The following CLRN1 variants were observed in gnomAD, a reference collection of about 807,000 sequenced individuals.
CLRN1 encodes the protein clarin 1.
A neutral mutation model predicts 18.7 loss-of-function variants in CLRN1; 15 were observed. That is an observed-to-expected ratio of 0.80 (90% CI 0.54 to 1.23). The LOEUF is 1.23. Ranked by LOEUF, CLRN1 falls within the 50% of genes most tolerant of loss-of-function variation. CLRN1 has a pLI of 0.00. For synonymous variants in CLRN1, 104 were observed against 102.9 expected (o/e 1.01, Z -0.07); for missense variants, 311 against 277.5 (o/e 1.12, Z -0.86).
intron 2 of CLRN1, among the ~76,000 whole-genome samples, chr3:150,935,547 T>G (rs1056314520): frequency 6.6e-6 from 1 of 151,174 alleles, no homozygotes; most frequent in African/African-American, 2.4e-5. Flanking sequence ...TCTATCATTG[T>G]TGGACATTTA....
Position 150,927,966 on chromosome 3 carries a change from T to C in CLRN1, c.669A>G (p.Thr223=), listed in dbSNP as rs1712914653. The part of the protein sequence containing the change: ...FPFAKSKDAE[T]TNVAADLMY The stretch of plus-strand genomic sequence containing the variant: ...ACATTAGATCTGCAGCTACATTAGT[T>C]GTTTCTGCGTCTTTAGATTTTGCAA... The change falls in exon 3 of 3, where the codon ACA becomes ACG. Residue 223 remains threonine, a synonymous_variant. Transcript: ENST00000327047. The C allele has an allele frequency of 3.1e-6, 5 of 1,614,206 alleles. No homozygotes were observed. Among genetic ancestry groups the C allele is most frequent in the African/African-American group, 2.7e-5 (2 of 75,052 alleles).
At chr3:150,941,470 A>T in intron 2 of CLRN1, 112 bp downstream of exon 2, 1 of 1,074,390 alleles carries the variant, frequency 9.3e-7, no homozygotes, top group Non-Finnish European at 1.4e-6. Flanking sequence ...GTATAATACT[A>T]CAGTGTGCAT....
intron 1 of CLRN1, among the ~76,000 whole-genome samples, chr3:150,964,073 T>G (rs4680088): frequency 0.35 from 52,754 of 151,984 alleles, 10,937 homozygotes; most frequent in Non-Finnish European, 0.46. Flanking sequence ...GGGATCTAAT[T>G]AAACTAAAAA....
intron 1 of CLRN1, 22 bp from the exon 2 acceptor site, chr3:150,941,783 G>T: frequency 6.2e-7 from 1 of 1,610,410 alleles, no homozygotes; most frequent in Non-Finnish European, 8.5e-7. Context: ...ACAAAACTAG[G>T]GTTAGAAGAA....
chr3:150,957,334 T>C (rs1714793779), intron 1 of CLRN1, among the ~76,000 whole-genome samples: 1 of 152,042 alleles, frequency 6.6e-6, no homozygotes, highest in Non-Finnish European at 1.5e-5. Context: ...AGTCTTTCCC[T>C]TTTATACCTG....
intron 1 of CLRN1, among the ~76,000 whole-genome samples, chr3:150,943,588 C>T (rs2107954821): frequency 6.6e-6 from 1 of 152,340 alleles, no homozygotes; most frequent in Admixed American, 6.5e-5. Context: ...TTCAGTTCAT[C>T]TGTGTGACCC....
intron 2 of CLRN1, 52 bp downstream of exon 2, chr3:150,941,530 T>C: frequency 6.4e-7 from 1 of 1,562,736 alleles, no homozygotes. Context: ...AGACGGTCTT[T>C]TTGACATATT....
rs148752352 is a variant in CLRN1, at chr3:150,927,975, G to A, written c.660C>T (p.Asp220=). The A allele has an allele frequency of 2.3e-4, 368 of 1,614,120 alleles. No individual in the cohort carries two copies. The highest frequency in any genetic ancestry group is 2.0e-3 in the Middle Eastern group (12 of 6,054). The stretch of plus-strand genomic sequence containing the variant: ...CTGCAGCTACATTAGTTGTTTCTGC[G>A]TCTTTAGATTTTGCAAAAGGGAACT... ...GFQFPFAKSK[D]AETTNVAADL... is the part of the protein sequence containing the mutation. Residue 220 remains aspartate (D), a synonymous_variant, in exon 3 of 3, where the codon GAC becomes GAT. Coordinates refer to ENST00000327047, the MANE Select transcript of CLRN1 (RefSeq NM_174878.3).
chr3:150,935,259 G>A (rs1713398180), intron 2 of CLRN1, among the ~76,000 whole-genome samples: 1 of 150,138 alleles, frequency 6.7e-6, no homozygotes, highest in South Asian at 2.1e-4. Flanking sequence ...TCGTCATTTA[G>A]CATTAGGTAT....
At position 150,959,509 on chromosome 3, in the gene CLRN1, G is replaced by T. The variant is rs570556584; in HGVS notation, c.253+12947C>A. 1.6e-4 allele frequency among the ~76,000 whole-genome samples: 25 copies of T among 151,654 alleles called. 1 individual carries two copies. The South Asian group carries it at 2.7e-3, about 16-fold the overall frequency. On this transcript the variant is annotated intron_variant, in intron 1 of 2. Transcript: ENST00000327047. ...CCAGGTGCAGTGATGGGCCCCTATA[G>T]TCCCAGCTACTCAGGAGGCTGGGGC...
At chr3:150,943,311 T>C (rs568329174) in intron 1 of CLRN1, among the ~76,000 whole-genome samples, 5 of 152,306 alleles carry the variant, frequency 3.3e-5, no homozygotes, top group Admixed American at 2.6e-4. Flanking sequence ...ATAATGTCTT[T>C]TTACCAATAG....
intron 1 of CLRN1, among the ~76,000 whole-genome samples, chr3:150,953,746 G>T (rs530513178): frequency 5.3e-4 from 80 of 152,244 alleles, no homozygotes; most frequent in African/African-American, 1.9e-3. Flanking sequence ...TTGAACTCCT[G>T]TCCTCAAGTG....
intron 1 of CLRN1, among the ~76,000 whole-genome samples, chr3:150,966,294 A>G (rs920472592): frequency 6.6e-6 from 1 of 152,258 alleles, no homozygotes; most frequent in African/African-American, 2.4e-5. Flanking sequence ...AGGCTGGACG[A>G]CAGAGTGAGA....
chr3:150,937,522 A>G (rs1713563677), intron 2 of CLRN1, among the ~76,000 whole-genome samples: 1 of 152,340 alleles, frequency 6.6e-6, no homozygotes, highest in South Asian at 2.1e-4. Flanking sequence ...GTAGTTTTAG[A>G]AAGTTCTTCA....
At chr3:150,956,833 T>G (rs1714758009) in intron 1 of CLRN1, among the ~76,000 whole-genome samples, 1 of 152,148 alleles carries the variant, frequency 6.6e-6, no homozygotes, top group Non-Finnish European at 1.5e-5. Flanking sequence ...TGTCAGATAT[T>G]CCAAACTTCC....
At chr3:150,952,036 A>G (rs1446665222) in intron 1 of CLRN1, among the ~76,000 whole-genome samples, 4 of 152,110 alleles carry the variant, frequency 2.6e-5, no homozygotes, top group Non-Finnish European at 5.9e-5. Context: ...GGTAGTGTCA[A>G]TGTGGATGTT....
At chr3:150,972,840 C>T (rs577594303), upstream of CLRN1, 32 of 1,262,772 alleles carry the variant, frequency 2.5e-5, no homozygotes, top group African/African-American at 4.6e-4. Context: ...GGCAACTTCA[C>T]CATCGACGGT....
intron 1 of CLRN1, among the ~76,000 whole-genome samples, chr3:150,962,258 G>A (rs1273204472): frequency 6.6e-6 from 1 of 152,132 alleles, no homozygotes; most frequent in Admixed American, 6.5e-5. Flanking sequence ...TAGACTACCA[G>A]GTACAAAGTT....
At chr3:150,968,120 C>G (rs987090043) in intron 1 of CLRN1, among the ~76,000 whole-genome samples, 2 of 152,100 alleles carry the variant, frequency 1.3e-5, no homozygotes, top group Admixed American at 6.6e-5. Context: ...TTTTTGCCAG[C>G]TCATTGAACT....
Sources: allele counts gnomAD v4.1 joint callset (sites outside exome capture counted in the v4.1 genomes callset), GRCh38; gene constraint gnomAD v4.1.1; transcripts MANE v1.5; gene names NCBI Gene and HGNC (gene_info 2026-07-23, HGNC 2026-07-21).